The following PDE1A variants were observed in gnomAD, a reference collection of about 807,000 sequenced individuals.
PDE1A encodes the protein dual specificity calcium/calmodulin-dependent 3',5'-cyclic nucleotide phosphodiesterase 1A.
In PDE1A, 35 loss-of-function variants were observed where a neutral mutation model predicts 61.7. The ratio of observed to expected loss-of-function variants is 0.57; its 90% CI spans 0.43 to 0.75. The LOEUF is 0.75. PDE1A is among the 30% of genes least tolerant of loss of function. The pLI is 0.00. For synonymous variants in PDE1A, 232 were observed against 213.2 expected, an observed-to-expected ratio of 1.09 and a Z score of -0.77; for missense variants, 597 against 630.6, an observed-to-expected ratio of 0.95 and a Z score of 0.57.
the PDE1A span, among the ~76,000 whole-genome samples, chr2:182,622,324 G>T: frequency 6.6e-6 from 1 of 152,044 alleles, no homozygotes; most frequent in Non-Finnish European, 1.5e-5. Context: ...AATTGAGTGG[G>T]GTATATTTTT....
the PDE1A span, among the ~76,000 whole-genome samples, chr2:182,611,665 C>G: frequency 6.6e-6 from 1 of 151,836 alleles, no homozygotes; most frequent in Admixed American, 6.6e-5. Context: ...AAAGACGGTG[C>G]TTTTACAGCA....
chr2:182,370,299 A>G (rs748844960), intron 1 of PDE1A, among the ~76,000 whole-genome samples: 28 of 152,250 alleles, frequency 1.8e-4, no homozygotes, highest in Non-Finnish European at 2.9e-4. Flanking sequence ...ATGGAGATGA[A>G]CGAAATTAAT....
the PDE1A span, among the ~76,000 whole-genome samples, chr2:182,593,533 A>C: frequency 6.6e-6 from 1 of 152,228 alleles, no homozygotes; most frequent in Non-Finnish European, 1.5e-5. Flanking sequence ...ATAAGGACAG[A>C]ATAATCCCTC....
At chr2:182,570,162 T>A in the PDE1A span, among the ~76,000 whole-genome samples, 6 of 151,852 alleles carry the variant, frequency 4.0e-5, no homozygotes, top group Non-Finnish European at 8.8e-5. Flanking sequence ...AAAGGGGAGA[T>A]AAAATGTTAG....
intron 13 of PDE1A, among the ~76,000 whole-genome samples, chr2:182,148,812 G>C (rs1460692211): frequency 1.3e-5 from 2 of 152,094 alleles, no homozygotes; most frequent in Non-Finnish European, 2.9e-5. Flanking sequence ...CTCTCCAAGG[G>C]TCTTGGTGAA....
chr2:182,690,757 A>G, the PDE1A span, among the ~76,000 whole-genome samples: 501 of 152,340 alleles, frequency 3.3e-3, 1 homozygote, highest in African/African-American at 0.011. Flanking sequence ...TCTGCAGATG[A>G]CATGATTGTA....
At chr2:182,240,847 T>G (rs1690444647) in intron 2 of PDE1A, among the ~76,000 whole-genome samples, 1 of 152,102 alleles carries the variant, frequency 6.6e-6, no homozygotes. Context: ...ACCACTTAAG[T>G]GCTCCCAACG....
intron 2 of PDE1A, among the ~76,000 whole-genome samples, chr2:182,449,367 G>A (rs1047275091): frequency 6.6e-5 from 10 of 151,338 alleles, no homozygotes; most frequent in Admixed American, 6.6e-4. Flanking sequence ...GGGAGGGAGG[G>A]AGGACGAGCG....
At chr2:182,180,529 G>T (rs1446981361) in intron 13 of PDE1A, among the ~76,000 whole-genome samples, 1 of 151,934 alleles carries the variant, frequency 6.6e-6, no homozygotes, top group Non-Finnish European at 1.5e-5. Flanking sequence ...TTTTTCCTTT[G>T]TTTCAACCTT....
intron 3 of PDE1A, among the ~76,000 whole-genome samples, chr2:182,239,609 GAA>G (rs3835905): frequency 6.0e-5 from 9 of 150,274 alleles, no homozygotes; most frequent in East Asian, 2.0e-4. Flanking sequence ...CAGAAATGTT[GAA>G]AAAAAAAAAT....
At chr2:182,272,082 T>C (rs1409948942) in intron 1 of PDE1A, among the ~76,000 whole-genome samples, 1 of 152,114 alleles carries the variant, frequency 6.6e-6, no homozygotes, top group Non-Finnish European at 1.5e-5. Context: ...AGATGGATAC[T>C]AGAATAATAA....
At chr2:182,244,723 A>G (rs1159574921) in intron 2 of PDE1A, among the ~76,000 whole-genome samples, 2 of 151,898 alleles carry the variant, frequency 1.3e-5, no homozygotes, top group African/African-American at 4.8e-5. Context: ...GTATTTTTTT[A>G]TATGGATTCC....
intron 1 of PDE1A, among the ~76,000 whole-genome samples, chr2:182,364,497 A>AAAAAAAAAAAAAC (rs1699724122): frequency 6.8e-6 from 1 of 146,202 alleles, no homozygotes; most frequent in Admixed American, 6.9e-5. Flanking sequence ...AAAAAAAAAA[A>AAAAAAAAAAAAAC]AACCTTATTC....
At chr2:182,585,123 T>C in the PDE1A span, among the ~76,000 whole-genome samples, 1 of 152,194 alleles carries the variant, frequency 6.6e-6, no homozygotes, top group Non-Finnish European at 1.5e-5. Flanking sequence ...TTGGCAGGAA[T>C]TGCATTTCAG....
chr2:182,225,853 T>C (rs1689099864), intron 6 of PDE1A, among the ~76,000 whole-genome samples: 1 of 149,946 alleles, frequency 6.7e-6, no homozygotes. Context: ...CACAACTGGA[T>C]GAGTGAAGCA....
At chr2:182,388,335 A>G (rs1326162736) in intron 1 of PDE1A, among the ~76,000 whole-genome samples, 1 of 152,216 alleles carries the variant, frequency 6.6e-6, no homozygotes, top group Non-Finnish European at 1.5e-5. Flanking sequence ...CATAACAGAT[A>G]TATACAGAAA....
rs112872336 is a variant in PDE1A at position 182,276,719 on chromosome 2, C to A, written c.54-12305G>T. Among the ~76,000 whole-genome samples the A allele has an allele frequency of 6.4e-3, 971 of 152,164 alleles. 6 individuals carry two copies. Among genetic ancestry groups the A allele is most frequent in the African/African-American group, 0.022 (899 of 41,548 alleles). On this transcript the variant is annotated intron_variant, in intron 1 of 13. Coordinates refer to ENST00000351439, the Ensembl canonical transcript of PDE1A. ...CAATACAGCCATATTTTTCTTCTTG[C>A]AGAGAGCCTATAAACAGAGGTGCAA...
intron 1 of PDE1A, among the ~76,000 whole-genome samples, chr2:182,289,017 CT>C (rs1480462094): frequency 6.7e-6 from 1 of 150,026 alleles, no homozygotes; most frequent in African/African-American, 2.4e-5. Flanking sequence ...ATTCACATTC[CT>C]TTTGCTATAC....
intron 1 of PDE1A, among the ~76,000 whole-genome samples, chr2:182,331,363 ATTG>A (rs1233789856): frequency 6.6e-6 from 1 of 152,192 alleles, no homozygotes; most frequent in African/African-American, 2.4e-5. Flanking sequence ...TAAGGTTAAT[ATTG>A]TTATGTGTGA....
Sources: gnomAD v4.1 joint callset for allele counts (sites outside exome capture counted in the v4.1 genomes callset) on GRCh38, gnomAD v4.1.1 for gene constraint, MANE v1.5 for transcripts, NCBI Gene and HGNC (gene_info 2026-07-23, HGNC 2026-07-21) for gene names.